CNKSR3: variants seen among roughly 807,000 people sequenced by gnomAD.
The protein encoded by CNKSR3 is connector enhancer of kinase suppressor of ras 3.
In CNKSR3, 36 loss-of-function variants were observed where a neutral mutation model predicts 67.7. The observed-to-expected ratio is 0.53, with a 90% confidence interval of 0.41 to 0.70. The LOEUF (loss-of-function observed/expected upper bound fraction) is 0.70. Among genes scored for constraint, CNKSR3 ranks in the 30% least tolerant of loss-of-function variants. CNKSR3 has a pLI of 0.00. For missense variants in CNKSR3, 630 were observed against 695.2 expected, an observed-to-expected ratio of 0.91 and a Z score of 1.05; for synonymous variants, 281 against 271.4, an observed-to-expected ratio of 1.04 and a Z score of -0.35.
rs567182497 is a variant in CNKSR3 at position 154,418,512 on chromosome 6, G to A, written c.945+3994C>T. ...ATGCAAATCCCACCTACCCTCCCAG[G>A]CTCCCACCTCACAGTCCATACCTCT... On this transcript the variant is annotated intron_variant, in intron 9 of 12. Coordinates refer to ENST00000607772, the MANE Select transcript of CNKSR3 (RefSeq NM_173515.4). 2.0e-5 allele frequency among the ~76,000 whole-genome samples: 3 copies of A among 152,004 alleles called. No homozygotes were observed. In the East Asian group the frequency reaches 5.8e-4, roughly 29 times the overall value.
At chr6:154,482,758 T>C (rs1786590570) in intron 1 of CNKSR3, among the ~76,000 whole-genome samples, 1 of 152,230 alleles carries the variant, frequency 6.6e-6, no homozygotes, top group Admixed American at 6.5e-5. Flanking sequence ...AGTTCTGTTG[T>C]TTAAATATTC....
chr6:154,456,904 A>G (rs1040595006), intron 1 of CNKSR3, among the ~76,000 whole-genome samples: 3 of 152,076 alleles, frequency 2.0e-5, no homozygotes, highest in Admixed American at 6.6e-5. Context: ...ATTACAAAGG[A>G]GACGGGGTTC....
intron 4 of CNKSR3, chr6:154,433,736 T>G: frequency 2.3e-6 from 1 of 428,962 alleles, no homozygotes; most frequent in Non-Finnish European, 4.2e-6. Context: ...GGAGTTCTCA[T>G]CCAAGGAACC....
chr6:154,503,706 T>C (rs113268356), intron 1 of CNKSR3, among the ~76,000 whole-genome samples: 1 of 151,984 alleles, frequency 6.6e-6, no homozygotes, highest in Admixed American at 6.5e-5. Context: ...AAGGGAAATG[T>C]CTCACTTATT....
chr6:154,504,410 GA>G (rs957661086), intron 1 of CNKSR3, among the ~76,000 whole-genome samples: 5 of 152,136 alleles, frequency 3.3e-5, no homozygotes, highest in African/African-American at 1.2e-4. Flanking sequence ...GGAGCTATAG[GA>G]AAAAGGAAGA....
At chr6:154,500,206 G>C (rs1034389393) in intron 1 of CNKSR3, among the ~76,000 whole-genome samples, 22 of 151,826 alleles carry the variant, frequency 1.4e-4, no homozygotes, top group Non-Finnish European at 7.4e-5. Context: ...TAAAATTACT[G>C]TGAGAACATG....
chr6:154,505,493 ATTATT>A (rs1311683561), intron 1 of CNKSR3, among the ~76,000 whole-genome samples: 3 of 124,914 alleles, frequency 2.4e-5, no homozygotes, highest in African/African-American at 1.0e-4. Flanking sequence ...TATTATTATT[ATTATT>A]TTTTTTTTTT....
chr6:154,430,550 A>G lies in CNKSR3; in HGVS notation c.591T>C (p.Ser197=). ...LNGICDKTIR[S]TTDPVMSQCA... ...ACTGGCTCATCACAGGATCTGTGGT[A>G]GATCGGATTGTTTTGTCACAGATGC... is the stretch of plus-strand genomic sequence containing the variant. Residue 197 remains serine (S), a synonymous_variant, in exon 6 of 13, where the codon TCT becomes TCC. Transcript: ENST00000607772. The G allele has an allele frequency of 6.2e-7, 1 of 1,611,928 alleles. No individual in the cohort carries two copies. Among genetic ancestry groups the G allele is most frequent in the Non-Finnish European group, 8.5e-7 (1 of 1,178,920 alleles).
At chr6:154,431,622 T>C (rs1268621948) in intron 5 of CNKSR3, among the ~76,000 whole-genome samples, 1 of 152,082 alleles carries the variant, frequency 6.6e-6, no homozygotes, top group Non-Finnish European at 1.5e-5. Flanking sequence ...ATAGTTTCAG[T>C]GTCCTAAATA....
intron 7 of CNKSR3, among the ~76,000 whole-genome samples, chr6:154,423,378 C>G (rs890763635): frequency 6.6e-5 from 10 of 152,312 alleles, no homozygotes; most frequent in Admixed American, 5.2e-4. Context: ...GATCTCCCCC[C>G]TCAGCCTCCC....
At position 154,422,669 on chromosome 6, in the gene CNKSR3, T is replaced by C; in HGVS notation, c.799-17A>G. 6.2e-7 allele frequency: 1 copy of C among 1,612,318 alleles called. No homozygotes were observed. Among genetic ancestry groups the C allele is most frequent in the Non-Finnish European group, 8.5e-7 (1 of 1,179,644 alleles). ...CCATCCCACCTTCAAAGAAAGCAAA[T>C]GGGGAGGGAAGACTTGCTCATGAAT... On this transcript the variant is annotated splice_polypyrimidine_tract_variant and intron_variant, in intron 8 of 12. Transcript: ENST00000607772.
At position 154,459,241 on chromosome 6, in the gene CNKSR3, G is replaced by T. The variant is rs1184252775; in HGVS notation, c.53-8983C>A. 6.6e-5 allele frequency among the ~76,000 whole-genome samples: 10 copies of T among 152,116 alleles called. No individual in the cohort carries two copies. In the South Asian group the frequency reaches 1.9e-3, roughly 29 times the overall value. On this transcript the variant is annotated intron_variant, in intron 1 of 12. Transcript: ENST00000607772. ...TGCATGTAAGTCGGGTTTTGACCCT[G>T]ATCAGAGCTGTGAGCTGGAACTGCT...
At chr6:154,461,874 A>G (rs1786087622) in intron 1 of CNKSR3, among the ~76,000 whole-genome samples, 1 of 152,086 alleles carries the variant, frequency 6.6e-6, no homozygotes, top group Non-Finnish European at 1.5e-5. Flanking sequence ...CGAGATTTGG[A>G]GGTTTGATGG....
chr6:154,507,743 CTA>C (rs1241957829), intron 1 of CNKSR3, among the ~76,000 whole-genome samples: 1 of 152,148 alleles, frequency 6.6e-6, no homozygotes, highest in Non-Finnish European at 1.5e-5. Flanking sequence ...GGTATGTAAC[CTA>C]GTAAGTATCG....
chr6:154,411,457 A>G (rs1347848756), intron 10 of CNKSR3, among the ~76,000 whole-genome samples: 2 of 151,938 alleles, frequency 1.3e-5, no homozygotes, highest in Non-Finnish European at 2.9e-5. Context: ...GACCAGCCTG[A>G]CAAACAAGGT....
At chr6:154,431,238 G>A (rs1584076212) in intron 5 of CNKSR3, among the ~76,000 whole-genome samples, 1 of 151,994 alleles carries the variant, frequency 6.6e-6, no homozygotes, top group East Asian at 1.9e-4. Context: ...GAAGTCAGGA[G>A]TTCAAGACCA....
At chr6:154,466,731 T>TCATCCTCCC (rs1786207635) in intron 1 of CNKSR3, among the ~76,000 whole-genome samples, 1 of 151,752 alleles carries the variant, frequency 6.6e-6, no homozygotes, top group Non-Finnish European at 1.5e-5. Flanking sequence ...ATGATCCTCC[T>TCATCCTCCC]GCCTCATCCT....
chr6:154,455,844 T>A (rs1785941318), intron 1 of CNKSR3, among the ~76,000 whole-genome samples: 1 of 149,890 alleles, frequency 6.7e-6, no homozygotes, highest in African/African-American at 2.5e-5. Flanking sequence ...AAGAGAAATA[T>A]CATAAACAAA....
At chr6:154,464,495 A>T (rs7349929) in intron 1 of CNKSR3, among the ~76,000 whole-genome samples, 78,125 of 151,918 alleles carry the variant, frequency 0.51, 21,792 homozygotes, top group African/African-American at 0.75. Flanking sequence ...GGCCTGCGGA[A>T]CATGAGGTCA....
Sources: allele counts gnomAD v4.1 joint callset (sites outside exome capture counted in the v4.1 genomes callset), GRCh38; gene constraint gnomAD v4.1.1; transcripts MANE v1.5; gene names NCBI Gene and HGNC (gene_info 2026-07-23, HGNC 2026-07-21).